AP1S3: variants seen among roughly 807,000 people sequenced by gnomAD.
AP1S3 encodes AP-1 complex subunit sigma-3.
In AP1S3, 10 loss-of-function variants were observed where a neutral mutation model predicts 20.9. The ratio of observed to expected loss-of-function variants is 0.48; its 90% CI spans 0.29 to 0.81. The LOEUF is 0.81. Ranked by LOEUF, AP1S3 falls within the 30% of genes least tolerant of loss-of-function variation. AP1S3 has a pLI of 0.08. For synonymous variants in AP1S3, 41 were observed against 61.5 expected (o/e 0.67, Z 1.56); for missense variants, 154 against 183.8 (o/e 0.84, Z 0.94).
At chr2:223,765,525 G>T (rs533043587) in intron 3 of AP1S3, among the ~76,000 whole-genome samples, 175 bp from the exon 4 acceptor site, 2 of 152,278 alleles carry the variant, frequency 1.3e-5, no homozygotes, top group East Asian at 3.9e-4. Context: ...TTAATAAATG[G>T]AATGCTACAT....
intron 1 of AP1S3, among the ~76,000 whole-genome samples, chr2:223,830,116 T>C (rs2106040772): frequency 6.6e-6 from 1 of 152,092 alleles, no homozygotes; most frequent in South Asian, 2.1e-4. Context: ...CCATAAACAA[T>C]ATATGTCTTA....
At chr2:223,809,564 A>C (rs1356660649) in intron 1 of AP1S3, among the ~76,000 whole-genome samples, 1 of 151,136 alleles carries the variant, frequency 6.6e-6, no homozygotes, top group Admixed American at 6.6e-5. Flanking sequence ...GAATTGCTTG[A>C]ACCCGGGAAG....
At position 223,819,973 on chromosome 2, in the gene AP1S3, G is replaced by A. The variant is rs16865236; in HGVS notation, c.3+17475C>T. 7.7e-3 allele frequency among the ~76,000 whole-genome samples: 1,068 copies of A among 137,884 alleles called. 12 individuals carry two copies. Among genetic ancestry groups the A allele is most frequent in the African/African-American group, 0.027 (1,033 of 38,372 alleles). The allele number at this position is 137,884 out of a possible 152,430, so 90.5% of individuals were successfully genotyped here. ...ATGTAACACTTGCTAGATTTCGTGT[G>A]GCCTTTAAAATATTTTGACCCTGAA... On this transcript the variant is annotated intron_variant, in intron 1 of 4. Transcript: ENST00000396654.
At chr2:223,827,842 C>CTG (rs1243212948) in intron 1 of AP1S3, among the ~76,000 whole-genome samples, 2 of 151,546 alleles carry the variant, frequency 1.3e-5, no homozygotes, top group Non-Finnish European at 2.9e-5. Context: ...GGCTGATCAC[C>CTG]TGAGGTCAGG....
intron 4 of AP1S3, 40 bp downstream of exon 4, chr2:223,765,173 A>C: frequency 6.2e-7 from 1 of 1,608,044 alleles, no homozygotes; most frequent in Non-Finnish European, 8.5e-7. Context: ...CATCATCATC[A>C]TCATCATCTT....
rs35670325 is a variant in AP1S3 at position 223,772,654 on chromosome 2, TA to T, written c.291+3246del. ...AAATCTCCTTGGAATTGAAAAGTGC[TA>T]AAAAAAAATACATAACTTAAATTAG... On this transcript the variant is annotated intron_variant, in intron 3 of 4. Coordinates refer to ENST00000396654, the MANE Select transcript of AP1S3 (RefSeq NM_001039569.2). Among the ~76,000 whole-genome samples, 873 of 150,978 alleles carry T rather than the reference TA, an allele frequency of 5.8e-3. 8 individuals are homozygous for T. Among genetic ancestry groups the T allele is most frequent in the Admixed American group, 0.012 (179 of 15,148 alleles).
At chr2:223,770,265 G>T in intron 3 of AP1S3, 1 of 1,550,592 alleles carries the variant, frequency 6.4e-7, no homozygotes, top group Non-Finnish European at 8.7e-7. Context: ...TTCAAGGCAG[G>T]CGTAGACCAG....
chr2:223,780,304 TATATAGAGAGAGAGAGAGAG>T (rs1256218663), intron 1 of AP1S3, among the ~76,000 whole-genome samples: 2 of 46,054 alleles, frequency 4.3e-5, no homozygotes, highest in East Asian at 6.6e-4. Flanking sequence ...TATATATATA[TATATAGAGAGAGAGAGAGAG>T]AGAGAGAGAG....
At chr2:223,773,395 T>A in intron 3 of AP1S3, 1 of 1,296,862 alleles carries the variant, frequency 7.7e-7, no homozygotes, top group Non-Finnish European at 1.0e-6. Context: ...TGAGAATTCA[T>A]TTGAATAGTA....
At chr2:223,761,786 A>T (rs940765474) in intron 4 of AP1S3, among the ~76,000 whole-genome samples, 3 of 151,690 alleles carry the variant, frequency 2.0e-5, no homozygotes, top group Non-Finnish European at 4.4e-5. Flanking sequence ...CTGATCTCAA[A>T]CTCTTGACTT....
chr2:223,796,352 A>G (rs1691336524), intron 1 of AP1S3, among the ~76,000 whole-genome samples: 1 of 152,188 alleles, frequency 6.6e-6, no homozygotes, highest in Non-Finnish European at 1.5e-5. Context: ...AGAGCCTCTG[A>G]CAGCCATTTC....
chr2:223,832,883 C>A (rs1692309457), intron 1 of AP1S3, among the ~76,000 whole-genome samples: 1 of 146,856 alleles, frequency 6.8e-6, no homozygotes, highest in Admixed American at 6.9e-5. Context: ...TAAGAAATGG[C>A]TTTCCAGTTC....
chr2:223,764,900 C>A (rs1339905510), intron 4 of AP1S3, among the ~76,000 whole-genome samples: 1 of 152,040 alleles, frequency 6.6e-6, no homozygotes, highest in East Asian at 1.9e-4. Flanking sequence ...ACTCTAAAGC[C>A]CAATTGCCTG....
chr2:223,832,268 C>A (rs569508616), intron 1 of AP1S3, among the ~76,000 whole-genome samples: 1 of 151,674 alleles, frequency 6.6e-6, no homozygotes, highest in African/African-American at 2.4e-5. Flanking sequence ...CAACACCGTT[C>A]AGCAAATACA....
At chr2:223,812,129 A>G (rs1691745130) in intron 1 of AP1S3, among the ~76,000 whole-genome samples, 1 of 152,224 alleles carries the variant, frequency 6.6e-6, no homozygotes, top group Non-Finnish European at 1.5e-5. Context: ...CAGAAGCCAA[A>G]TATTATAGAA....
chr2:223,828,401 A>G (rs1692184221), intron 1 of AP1S3, among the ~76,000 whole-genome samples: 1 of 149,564 alleles, frequency 6.7e-6, no homozygotes, highest in African/African-American at 2.5e-5. Context: ...GGCTCAAGCG[A>G]TTCTCTTGCC....
Position 223,755,596 on chromosome 2 carries a change from T to C in AP1S3, c.*3119A>G, listed in dbSNP as rs1368069787. Among the ~76,000 whole-genome samples, 6 of 149,522 alleles carry C rather than the reference T, an allele frequency of 4.0e-5. No homozygotes were observed. Among genetic ancestry groups the C allele is most frequent in the African/African-American group, 1.5e-4 (6 of 40,416 alleles). On this transcript the variant is annotated 3_prime_UTR_variant, in exon 5 of 5. Coordinates refer to ENST00000396654, the MANE Select transcript of AP1S3 (RefSeq NM_001039569.2). ...CCCGGGCTGGAGTACAGTGGCGTGA[T>C]CTCAGCTCACTGCAACCTCTGCCTC...
chr2:223,799,420 T>C (rs2106109512), intron 1 of AP1S3, among the ~76,000 whole-genome samples: 1 of 152,330 alleles, frequency 6.6e-6, no homozygotes, highest in African/African-American at 2.4e-5. Context: ...TCCAGAACTA[T>C]GAGATGATAA....
chr2:223,801,391 T>A (rs561181246), intron 1 of AP1S3, among the ~76,000 whole-genome samples: 1 of 152,204 alleles, frequency 6.6e-6, no homozygotes. Context: ...CTGGCACCAG[T>A]TAGACTGGCC....
Sources: gnomAD v4.1 joint callset for allele counts (sites outside exome capture counted in the v4.1 genomes callset) on GRCh38, gnomAD v4.1.1 for gene constraint, MANE v1.5 for transcripts, NCBI Gene and HGNC (gene_info 2026-07-23, HGNC 2026-07-21) for gene names.